DEPDC1: variants seen among roughly 807,000 people sequenced by gnomAD.
The protein encoded by DEPDC1 is DEP domain containing 1.
A neutral mutation model predicts 86.8 loss-of-function variants in DEPDC1; 66 were observed. The observed-to-expected ratio is 0.76, with a 90% CI of 0.62 to 0.93. The LOEUF (loss-of-function observed/expected upper bound fraction) is 0.93. DEPDC1 is among the 40% of genes least tolerant of loss of function. The pLI is 0.00. For synonymous variants in DEPDC1, 255 were observed against 314.9 expected, an observed-to-expected ratio of 0.81 and a Z score of 2.02; for missense variants, 792 against 935.7, an observed-to-expected ratio of 0.85 and a Z score of 2.00.
rs369086630 is a variant in DEPDC1, at chr1:68,479,209, G to T, written c.2047C>A (p.Leu683Ile). ...GTCTGTAAGTAAGAGGGTACTTGAA[G>T]AATTTCCTGATGATGATCCATTAAG... ...SFLMDHHQEI[L>I]QVPSYLQTAV... Residue 683 changes from leucine to isoleucine, a missense_variant, in exon 10 of 12, where the codon CTT becomes ATT. Physicochemically the swap from Leu to Ile is conservative, Grantham distance 5. Transcript: ENST00000456315. The T allele has an allele frequency of 2.1e-5, 34 of 1,612,048 alleles. No homozygotes were observed. Among genetic ancestry groups the T allele is most frequent in the Non-Finnish European group, 2.9e-5 (34 of 1,179,262 alleles).
rs1646160331 is a variant in DEPDC1, at chr1:68,482,110, T to G, written c.1698A>C (p.Lys566Asn). 6.2e-7 allele frequency: 1 copy of G among 1,610,026 alleles called. No homozygotes were observed. Among genetic ancestry groups the G allele is most frequent in the Non-Finnish European group, 8.5e-7 (1 of 1,178,518 alleles). ...AATTTTCTGAAAGTTCTATTGTACT[T>G]TTGCAGAGTCTTTTATTGATTGTGG... ...SSATINKRLC[K>N]STIELSENSL... The change falls in exon 8 of 12, where the codon AAA becomes AAC. Residue 566 changes from lysine (K) to asparagine (N), a missense_variant. Lys to Asn is a moderately conservative substitution (Grantham distance 94, BLOSUM62 0). Coordinates refer to ENST00000456315, the MANE Select transcript of DEPDC1 (RefSeq NM_001114120.3).
rs999564447 is a variant in DEPDC1 at position 68,494,471 on chromosome 1, C to T, written c.273G>A (p.Arg91=). The change falls in exon 2 of 12, where the codon AGG becomes AGA. Residue 91 remains arginine (R), a synonymous_variant. Coordinates refer to ENST00000456315, the MANE Select transcript of DEPDC1 (RefSeq NM_001114120.3). The stretch of plus-strand genomic sequence containing the variant: ...TATCATCAACATTTTCTGATCCCCA[C>T]CTCCCTTTGATATCTTCAATTACAT... ...KNHVIEDIKG[R]WGSENVDDNN... 1 of 1,613,708 alleles carries T rather than the reference C, an allele frequency of 6.2e-7. No individual in the cohort carries two copies. Among genetic ancestry groups the T allele is most frequent in the Non-Finnish European group, 8.5e-7 (1 of 1,179,730 alleles).
chr1:68,483,318 A>C (rs369273130), intron 7 of DEPDC1: 303 of 519,122 alleles, frequency 5.8e-4, no homozygotes, highest in Non-Finnish European at 1.0e-3. Flanking sequence ...GAATGATAGA[A>C]GTCTTTAGTT....
rs1646205943 is a variant in DEPDC1, at chr1:68,488,289, C to G, written c.721+85G>C. The G allele has an allele frequency of 2.3e-6, 3 of 1,284,566 alleles. No homozygotes were observed. The East Asian group carries it at 8.1e-5, about 35-fold the overall frequency. 79.6% of individuals were successfully genotyped at this position (1,284,566 alleles called of 1,614,324 possible). A position where few individuals can be genotyped will look rare whatever the true frequency, so the allele number is the denominator to read the frequency against. On this transcript the variant is annotated intron_variant, in intron 5 of 11. Transcript: ENST00000456315. ...ATGCTCCATGAAAGTATTCTACTTT[C>G]AATATTTGGGTCTCTCTTTACACTA...
chr1:68,476,215 G>A lies in DEPDC1; in HGVS notation c.*717C>T, dbSNP rs1404349591. 1.3e-5 allele frequency: 2 copies of A among 151,816 alleles called. No homozygotes were observed. Among genetic ancestry groups the A allele is most frequent in the East Asian group, 3.9e-4 (2 of 5,186 alleles). 9.4% of individuals were successfully genotyped at this position (151,816 alleles called of 1,614,324 possible). ...TATCTGGAACAACGAAAGGCACATA[G>A]CAGTTGCTAAATAAATATCTTTTGA... On this transcript the variant is annotated 3_prime_UTR_variant, in exon 12 of 12. Coordinates refer to ENST00000456315, the MANE Select transcript of DEPDC1 (RefSeq NM_001114120.3).
At position 68,496,900 on chromosome 1, in the gene DEPDC1, T is replaced by TCGA; in HGVS notation, c.48+51_48+52insTCG. On this transcript the variant is annotated intron_variant, in intron 1 of 11. Transcript: ENST00000456315. The surrounding 1 kb of genome is among the most constrained non-coding windows in gnomAD (Gnocchi z 4.0). ...ACGGTCGAGGTAAAACTGCGAACAG[T>TCGA]GGTGACTGCCGTCAGCCCGCTGACC... The TCGA allele has an allele frequency of 3.1e-6, 5 of 1,587,498 alleles. No homozygotes were observed. The highest frequency in any genetic ancestry group is 4.3e-6 in the Non-Finnish European group (5 of 1,159,760).
chr1:68,481,427 G>A lies in DEPDC1; in HGVS notation c.1935+13C>T. On this transcript the variant is annotated intron_variant, in intron 9 of 11. Coordinates refer to ENST00000456315, the MANE Select transcript of DEPDC1 (RefSeq NM_001114120.3). Reference sequence around the variant, plus strand: ...TGAATCAGACTTATTCTTTCTATAAGAAATCAACTTACCAGTGACCTCGTA... The same window carrying A: ...TGAATCAGACTTATTCTTTCTATAAAAAATCAACTTACCAGTGACCTCGTA... The A allele has an allele frequency of 6.2e-7, 1 of 1,604,122 alleles. No homozygotes were observed. Among genetic ancestry groups the A allele is most frequent in the Non-Finnish European group, 8.5e-7 (1 of 1,174,690 alleles).
chr1:68,484,839 G>A (rs188730045), intron 6 of DEPDC1, among the ~76,000 whole-genome samples: 1 of 151,644 alleles, frequency 6.6e-6, no homozygotes, highest in South Asian at 2.1e-4. Context: ...ATGAAGGCGG[G>A]GCCAGAAATT....
At chr1:68,485,443 T>C (rs1646187270) in intron 6 of DEPDC1, among the ~76,000 whole-genome samples, 1 of 152,082 alleles carries the variant, frequency 6.6e-6, no homozygotes, top group African/African-American at 2.4e-5. Context: ...TACTAATTCC[T>C]ACATCTCACA....
chr1:68,489,087 T>C, intron 3 of DEPDC1, 53 bp from the exon 4 acceptor site: 1 of 1,109,066 alleles, frequency 9.0e-7, no homozygotes, highest in Non-Finnish European at 1.4e-6. Context: ...TTTTTAAATA[T>C]TGAAAGCAAC....
intron 10 of DEPDC1, among the ~76,000 whole-genome samples, chr1:68,478,329 C>T (rs1646131113): frequency 6.6e-6 from 1 of 151,854 alleles, no homozygotes; most frequent in Non-Finnish European, 1.5e-5. Flanking sequence ...ATTCTTTTAA[C>T]TATAAAATAA....
rs1646112911 is a variant in DEPDC1, at chr1:68,476,069, T to A, written c.*863A>T. ...GTCACTCTTTAGCTGAATGATTCTA[T>A]ATGCCCTGATTTCAGTGGGTAGTGT... is the stretch of plus-strand genomic sequence containing the variant. On this transcript the variant is annotated 3_prime_UTR_variant, in exon 12 of 12. Transcript: ENST00000456315. 1 of 151,866 alleles carries A rather than the reference T, an allele frequency of 6.6e-6. No individual in the cohort carries two copies. Among genetic ancestry groups the A allele is most frequent in the African/African-American group, 2.4e-5 (1 of 41,428 alleles). 9.4% of individuals were successfully genotyped at this position (151,866 alleles called of 1,614,324 possible).
At chr1:68,494,272 C>T (rs1284713871) in intron 2 of DEPDC1, among the ~76,000 whole-genome samples, 158 bp downstream of exon 2, 2 of 152,152 alleles carry the variant, frequency 1.3e-5, no homozygotes, top group Non-Finnish European at 2.9e-5. Context: ...TTTCACATTA[C>T]AATTTTTCTA....
intron 6 of DEPDC1, among the ~76,000 whole-genome samples, chr1:68,486,716 T>TGCTTGAA (rs1646194824): frequency 6.6e-6 from 1 of 151,968 alleles, no homozygotes; most frequent in South Asian, 2.1e-4. Flanking sequence ...ATAAATAATA[T>TGCTTGAA]GCTTGAATTA....
In DEPDC1 at chr1:68,482,704, G is replaced by A. The variant is rs775729948; in HGVS notation, c.1104C>T (p.Ser368=). The A allele has an allele frequency of 3.7e-6, 6 of 1,612,296 alleles. No individual in the cohort carries two copies. The highest frequency in any genetic ancestry group is 4.2e-6 in the Non-Finnish European group (5 of 1,179,200). ...ESDSTERLQI[S]NPGFQERCAK... ...CACATCTTTCTTGAAATCCTGGATTGCTTATCTGTAGTCTCTCAGTAGAAT... is the reference window on the plus strand; with the variant it reads ...CACATCTTTCTTGAAATCCTGGATTACTTATCTGTAGTCTCTCAGTAGAAT... The change falls in exon 8 of 12, where the codon AGC becomes AGT. Residue 368 remains serine, a synonymous_variant. Transcript: ENST00000456315.
At chr1:68,483,287 C>T (rs768456065) in intron 7 of DEPDC1, 1 of 520,972 alleles carries the variant, frequency 1.9e-6, no homozygotes, top group East Asian at 5.4e-5. Flanking sequence ...TATGGAGCTC[C>T]TAAAATCCTT....
chr1:68,488,712 A>T (rs1434409223), intron 4 of DEPDC1, among the ~76,000 whole-genome samples: 1 of 151,824 alleles, frequency 6.6e-6, no homozygotes, highest in African/African-American at 2.4e-5. Context: ...ATGTTGATTC[A>T]AAGAAAAGGT....
chr1:68,477,757 A>G (rs540778274), intron 11 of DEPDC1, 30 bp downstream of exon 11: 1 of 1,331,958 alleles, frequency 7.5e-7, no homozygotes, highest in South Asian at 1.9e-5. Flanking sequence ...GAAAATGTTT[A>G]CATGATTGAG....
chr1:68,482,130 T>C lies in DEPDC1; in HGVS notation c.1678A>G (p.Ile560Val). 6.2e-7 allele frequency: 1 copy of C among 1,612,534 alleles called. No individual in the cohort carries two copies. The highest frequency in any genetic ancestry group is 8.5e-7 in the Non-Finnish European group (1 of 1,179,066). ...GTACTTTTGCAGAGTCTTTTATTGA[T>C]TGTGGCACTAGACTCTCCGAGTTCA... ...ESELGESSAT[I>V]NKRLCKSTIE... Residue 560 changes from isoleucine (I) to valine (V), a missense_variant, in exon 8 of 12, where the codon ATC becomes GTC. Ile to Val is a conservative substitution (Grantham distance 29). Coordinates refer to ENST00000456315, the MANE Select transcript of DEPDC1 (RefSeq NM_001114120.3).
Sources: gnomAD v4.1 joint callset for allele counts (sites outside exome capture counted in the v4.1 genomes callset) on GRCh38, gnomAD v4.1.1 for gene constraint, Gnocchi (gnomAD v3.1) non-coding constraint, MANE v1.5 for transcripts, NCBI Gene and HGNC (gene_info 2026-07-23, HGNC 2026-07-21) for gene names.